Variants in FBXL7 observed in about 807,000 individuals in gnomAD.
The protein encoded by FBXL7 is F-box/LRR-repeat protein 7.
Under a neutral mutation model 38.3 loss-of-function variants are expected in FBXL7, and 12 were observed. The ratio of observed to expected loss-of-function variants is 0.31; its 90% CI spans 0.20 to 0.51. The LOEUF (loss-of-function observed/expected upper bound fraction) is 0.51. Ranked by LOEUF, FBXL7 falls within the 20% of genes least tolerant of loss-of-function variation. The probability of loss-of-function intolerance (pLI) is 0.98; values close to 1 mark genes in which losing one functional copy is unlikely to be tolerated. For missense variants in FBXL7, 567 were observed against 676.4 expected, an observed-to-expected ratio of 0.84 and a Z score of 1.79; for synonymous variants, 297 against 300.9, an observed-to-expected ratio of 0.99 and a Z score of 0.13.
intron 2 of FBXL7, among the ~76,000 whole-genome samples, chr5:15,850,644 T>C (rs926160960): frequency 1.3e-5 from 2 of 152,230 alleles, no homozygotes; most frequent in African/African-American, 2.4e-5. Flanking sequence ...TCCAGCATTG[T>C]ATCCCATTCG....
intron 1 of FBXL7, among the ~76,000 whole-genome samples, chr5:15,550,633 A>T (rs923809382): frequency 1.3e-5 from 2 of 152,216 alleles, no homozygotes; most frequent in African/African-American, 4.8e-5. Context: ...GGTTCTTTGC[A>T]AACTTCCTTA....
At chr5:15,769,735 C>T (rs796743076) in intron 2 of FBXL7, among the ~76,000 whole-genome samples, 5 of 4,558 alleles carry the variant, frequency 1.1e-3, no homozygotes, top group African/African-American at 2.1e-3. Context: ...TTTCTGGACA[C>T]GAAAAAAAAA....
chr5:15,817,694 A>G (rs1204925530), intron 2 of FBXL7, among the ~76,000 whole-genome samples: 1 of 152,174 alleles, frequency 6.6e-6, no homozygotes, highest in Non-Finnish European at 1.5e-5. Flanking sequence ...CCCCTGCACA[A>G]GCCCTCTTGC....
intron 2 of FBXL7, among the ~76,000 whole-genome samples, chr5:15,815,002 A>G (rs1432206856): frequency 1.3e-5 from 2 of 152,158 alleles, no homozygotes; most frequent in African/African-American, 2.4e-5. Flanking sequence ...ATAAGCAATT[A>G]TTTCCAACTC....
At chr5:15,766,236 T>C (rs1446767074) in intron 2 of FBXL7, among the ~76,000 whole-genome samples, 1 of 152,098 alleles carries the variant, frequency 6.6e-6, no homozygotes, top group African/African-American at 2.4e-5. Context: ...TTCTTTTCCC[T>C]CATCCCAAAG....
At chr5:15,826,495 T>G (rs1232603316) in intron 2 of FBXL7, among the ~76,000 whole-genome samples, 3 of 152,200 alleles carry the variant, frequency 2.0e-5, no homozygotes, top group Non-Finnish European at 4.4e-5. Context: ...CTCTGCTCAC[T>G]GCAACCTCCA....
rs140448291 is a variant in FBXL7, at chr5:15,671,362, T to C, written c.127+55290T>C. ...AATGCCACACTGAGCACTGGATATTTTCTCTAACATTTTTGCTCATTCAAT... is the reference window on the plus strand; with the variant it reads ...AATGCCACACTGAGCACTGGATATTCTCTCTAACATTTTTGCTCATTCAAT... On this transcript the variant is annotated intron_variant, in intron 2 of 3. Coordinates refer to ENST00000504595, the MANE Select transcript of FBXL7 (RefSeq NM_012304.5). Among the ~76,000 whole-genome samples, 380 of 152,258 alleles carry C rather than the reference T, an allele frequency of 2.5e-3. 1 individual carries two copies. Among genetic ancestry groups the C allele is most frequent in the African/African-American group, 8.5e-3 (353 of 41,554 alleles).
intron 2 of FBXL7, among the ~76,000 whole-genome samples, chr5:15,718,497 T>G (rs1345379760): frequency 6.6e-6 from 1 of 152,174 alleles, no homozygotes; most frequent in Non-Finnish European, 1.5e-5. Context: ...TAAATATGTC[T>G]TCATCAATAT....
chr5:15,547,753 G>A (rs1269680910), intron 1 of FBXL7, among the ~76,000 whole-genome samples: 1 of 152,190 alleles, frequency 6.6e-6, no homozygotes, highest in Non-Finnish European at 1.5e-5. Flanking sequence ...AAGAGTCCGG[G>A]ATATTCTGGC....
Position 15,770,906 on chromosome 5 carries a change from A to G in FBXL7, c.127+154834A>G, listed in dbSNP as rs573640624. ...CATGATGAGGCAGGCACGATGTTAG[A>G]TTAGGAAACTTGTGCAGAGTTACCA... On this transcript the variant is annotated intron_variant, in intron 2 of 3. Transcript: ENST00000504595. 5.0e-4 allele frequency among the ~76,000 whole-genome samples: 76 copies of G among 152,298 alleles called. 1 individual carries two copies. Among genetic ancestry groups the G allele is most frequent in the African/African-American group, 1.8e-3 (75 of 41,568 alleles).
At chr5:15,709,123 G>A (rs1331752222) in intron 2 of FBXL7, among the ~76,000 whole-genome samples, 5 of 152,186 alleles carry the variant, frequency 3.3e-5, no homozygotes, top group African/African-American at 1.2e-4. Context: ...TCTGCTTTCA[G>A]TTAAGATGCT....
chr5:15,587,469 A>T (rs1035111763), intron 1 of FBXL7, among the ~76,000 whole-genome samples: 1 of 152,060 alleles, frequency 6.6e-6, no homozygotes, highest in Admixed American at 6.6e-5. Flanking sequence ...TTCCATGTTT[A>T]TTTATTTTTG....
At chr5:15,540,896 T>C (rs1737721482) in intron 1 of FBXL7, among the ~76,000 whole-genome samples, 2 of 152,276 alleles carry the variant, frequency 1.3e-5, no homozygotes, top group African/African-American at 4.8e-5. Flanking sequence ...CATCTCCTGA[T>C]AGTATCACTT....
chr5:15,904,000 T>A (rs1273992757), intron 2 of FBXL7, among the ~76,000 whole-genome samples: 3 of 152,154 alleles, frequency 2.0e-5, no homozygotes, highest in Non-Finnish European at 4.4e-5. Flanking sequence ...AAGTGTAAGG[T>A]TGACACCATG....
rs181204765 is a variant in FBXL7 at position 15,899,666 on chromosome 5, G to A, written c.128-28224G>A. Among the ~76,000 whole-genome samples, 34 of 152,258 alleles carry A rather than the reference G, an allele frequency of 2.2e-4. 1 individual carries two copies. The highest frequency in any genetic ancestry group is 8.2e-4 in the African/African-American group (34 of 41,564). On this transcript the variant is annotated intron_variant, in intron 2 of 3. Transcript: ENST00000504595. Reference sequence around the variant, plus strand: ...GAGAAGCTCAGAAGGGTGATGTCATGCAGTCTCCCCAGTCAGGAACTATTC... The same window carrying A: ...GAGAAGCTCAGAAGGGTGATGTCATACAGTCTCCCCAGTCAGGAACTATTC...
chr5:15,927,814 A>C lies in FBXL7; in HGVS notation c.128-76A>C, dbSNP rs1741922614. The C allele has an allele frequency of 5.2e-6, 6 of 1,159,834 alleles. No individual in the cohort carries two copies. The Admixed American group carries it at 1.7e-4, about 33-fold the overall frequency. The allele number at this position is 1,159,834 out of a possible 1,614,324, so 71.8% of individuals were successfully genotyped here. ...AAGAAGAAAGAAAAGAAAAGAAAGA[A>C]ACCAGTGCTTTTGCTGCCTCCCTGG... On this transcript the variant is annotated intron_variant, in intron 2 of 3. Transcript: ENST00000504595.
intron 1 of FBXL7, 49 bp from the exon 2 acceptor site, chr5:15,615,934 A>G: frequency 7.8e-7 from 1 of 1,287,202 alleles, no homozygotes; most frequent in South Asian, 1.2e-5. Context: ...GGCATGGTCC[A>G]GGTCTGAAAT....
chr5:15,767,316 A>G (rs1736618280), intron 2 of FBXL7, among the ~76,000 whole-genome samples: 1 of 152,236 alleles, frequency 6.6e-6, no homozygotes. Flanking sequence ...ACTGTGAAAC[A>G]ATTTAACACA....
chr5:15,704,402 T>C (rs1429068550), intron 2 of FBXL7, among the ~76,000 whole-genome samples: 4 of 152,240 alleles, frequency 2.6e-5, no homozygotes, highest in African/African-American at 9.6e-5. Context: ...AGACTGTTTA[T>C]TTTGACCTTT....
Sources: allele counts gnomAD v4.1 joint callset (sites outside exome capture counted in the v4.1 genomes callset), GRCh38; gene constraint gnomAD v4.1.1; transcripts MANE v1.5; gene names NCBI Gene and HGNC (gene_info 2026-07-23, HGNC 2026-07-21).